TBX22: variants seen among roughly 807,000 people sequenced by gnomAD.
The protein encoded by TBX22 is T-box transcription factor TBX22.
Under a neutral mutation model 30.1 loss-of-function variants are expected in TBX22, and 8 were observed. The ratio of observed to expected loss-of-function variants is 0.27; its 90% confidence interval spans 0.16 to 0.48. The LOEUF (loss-of-function observed/expected upper bound fraction) is 0.48, where lower values mean the gene tolerates loss of function less well. TBX22 is among the 20% of genes least tolerant of loss of function. The probability of loss-of-function intolerance (pLI) is 0.99; values close to 1 mark genes in which losing one functional copy is unlikely to be tolerated. For synonymous variants in TBX22, 173 were observed against 149.1 expected, an observed-to-expected ratio of 1.16 and a Z score of -1.17; for missense variants, 463 against 400.5, an observed-to-expected ratio of 1.16 and a Z score of -1.33.
At chrX:80,022,126 G>T (rs865849025) in intron 1 of TBX22, 142 bp from the exon 2 acceptor site, 6 of 545,771 alleles carry the variant, frequency 1.1e-5, no homozygotes, top group African/African-American at 5.2e-5. Flanking sequence ...TTTTGGGTTT[G>T]GGGTTTTGTT....
intron 1 of TBX22, among the ~76,000 whole-genome samples, chrX:80,021,457 G>A (rs1247269976): frequency 9.0e-6 from 1 of 111,581 alleles, no homozygotes; most frequent in Non-Finnish European, 1.9e-5. Flanking sequence ...GAGCCAACTG[G>A]CCCCAAAAGC....
intron 8 of TBX22, among the ~76,000 whole-genome samples, chrX:80,028,947 G>A (rs1449692634): frequency 2.4e-5 from 2 of 85,008 alleles, no homozygotes; most frequent in Admixed American, 1.2e-4. Context: ...ATGTGGTTTA[G>A]GGAATTGCAT....
intron 7 of TBX22, 144 bp downstream of exon 7, chrX:80,027,464 C>T: frequency 2.5e-6 from 1 of 401,272 alleles, no homozygotes; most frequent in Non-Finnish European, 4.5e-6. Flanking sequence ...CTGCAACTTT[C>T]ACCTCCCTGG....
intron 1 of TBX22, among the ~76,000 whole-genome samples, chrX:80,018,150 T>C (rs1346475624): frequency 8.9e-6 from 1 of 111,983 alleles, no homozygotes; most frequent in African/African-American, 3.2e-5. Context: ...TAACCAGAAG[T>C]TGAGGGATTC....
At chrX:80,027,787 C>G (rs1924051879) in intron 7 of TBX22, among the ~76,000 whole-genome samples, 1 of 112,239 alleles carries the variant, frequency 8.9e-6, no homozygotes, top group Non-Finnish European at 1.9e-5. Flanking sequence ...GAAAACATTA[C>G]TTCCTCCCAC....
chrX:80,016,425 C>A (rs1160092906), intron 1 of TBX22, among the ~76,000 whole-genome samples: 1 of 111,188 alleles, frequency 9.0e-6, no homozygotes, highest in East Asian at 2.8e-4. Flanking sequence ...GGTGAGAAAG[C>A]GTGTGTAGGG....
At chrX:80,025,807 A>C (rs546083415) in intron 5 of TBX22, 30 bp downstream of exon 5, 6 of 1,164,206 alleles carry the variant, frequency 5.2e-6, no homozygotes, top group Non-Finnish European at 6.9e-6. Context: ...TACCCCGAGG[A>C]GGGAGGTGCC....
In TBX22 at chrX:80,030,648, T is replaced by G. The variant is rs1279217597; in HGVS notation, c.1100T>G (p.Val367Gly). The change falls in exon 9 of 9, where the codon GTC (valine) becomes GGC (glycine). Residue 367 changes from valine (V) to glycine (G), a missense_variant. Coordinates refer to ENST00000373296, the MANE Select transcript of TBX22 (RefSeq NM_001109878.2). ...MPCPEAYLPN[V>G]NLPLCYKICP... Reference sequence around the variant, plus strand: ...TGTCCAGAGGCATACCTGCCCAATGTCAACCTGCCTCTATGCTACAAGATT... The same window carrying G: ...TGTCCAGAGGCATACCTGCCCAATGGCAACCTGCCTCTATGCTACAAGATT... 1 of 1,211,712 alleles carries G rather than the reference T, an allele frequency of 8.3e-7. No homozygotes were observed. The highest frequency in any genetic ancestry group is 1.1e-6 in the Non-Finnish European group (1 of 895,435).
intron 5 of TBX22, 96 bp from the exon 6 acceptor site, chrX:80,026,608 C>T (rs1391805384): frequency 2.1e-6 from 2 of 941,017 alleles, no homozygotes; most frequent in African/African-American, 3.8e-5. Context: ...TCATCATTGC[C>T]TTTTTGTGTG....
chrX:80,030,363 A>T lies in TBX22; in HGVS notation c.950-135A>T, dbSNP rs1218354945. 1.9e-5 allele frequency: 15 copies of T among 793,327 alleles called. No individual in the cohort carries two copies. The East Asian group carries it at 4.1e-4, about 22-fold the overall frequency. 65.4% of individuals were successfully genotyped at this position (793,327 alleles called of 1,213,427 possible). A position where few individuals can be genotyped will look rare whatever the true frequency, so the allele number is the denominator to read the frequency against. On this transcript the variant is annotated intron_variant, in intron 8 of 8. Coordinates refer to ENST00000373296, the MANE Select transcript of TBX22 (RefSeq NM_001109878.2). ...GGAATGAGCAGGTCCTGTCTCAAAG[A>T]AGCTAAAAGAACTGTGAACTCACAA...
Position 80,023,102 on chromosome X carries a change from G to C in TBX22, c.218G>C (p.Gly73Ala). ...GAGCCCTCAACATCTGCTTCCTCTG[G>C]CTGCGGCAGCGACAGCGGCTACGGC... ...KTEPSTSASS[G>A]CGSDSGYGNS... The change falls in exon 3 of 9, where the codon GGC (glycine) becomes GCC (alanine). Residue 73 changes from glycine (G) to alanine (A), a missense_variant. Gly to Ala is a moderately conservative substitution (Grantham distance 60). Transcript: ENST00000373296. 9 of 1,211,760 alleles carry C rather than the reference G, an allele frequency of 7.4e-6. No homozygotes were observed. The highest frequency in any genetic ancestry group is 1.0e-5 in the Non-Finnish European group (9 of 895,472).
intron 1 of TBX22, among the ~76,000 whole-genome samples, chrX:80,019,489 C>T (rs945537788): frequency 1.1e-4 from 12 of 111,614 alleles, no homozygotes; most frequent in African/African-American, 3.9e-4. Flanking sequence ...ATCTGTGGGT[C>T]TCAGAAACCT....
intron 3 of TBX22, among the ~76,000 whole-genome samples, chrX:80,023,811 G>C (rs948414671): frequency 3.6e-5 from 4 of 111,784 alleles, no homozygotes; most frequent in Non-Finnish European, 7.5e-5. Context: ...TTTTATTATG[G>C]TTGGGGAGGG....
At chrX:80,026,961 C>T in intron 6 of TBX22, 93 bp downstream of exon 6, 1 of 886,037 alleles carries the variant, frequency 1.1e-6, no homozygotes, top group Non-Finnish European at 1.7e-6. Context: ...TTGCATTTTC[C>T]ACAATTCTAA....
chrX:80,017,281 TG>T (rs1157978775), intron 1 of TBX22, among the ~76,000 whole-genome samples: 12 of 16,037 alleles, frequency 7.5e-4, no homozygotes, highest in East Asian at 0.059. Flanking sequence ...GTGTTGTTTT[TG>T]TGTGTGTGTG....
chrX:80,017,216 G>A (rs973662167), intron 1 of TBX22, among the ~76,000 whole-genome samples: 4 of 109,690 alleles, frequency 3.6e-5, no homozygotes, highest in African/African-American at 1.3e-4. Flanking sequence ...CTGTGCAAGT[G>A]CCAATGGAGC....
In TBX22 at chrX:80,025,496, G is replaced by T. The variant is rs1035833357; in HGVS notation, c.459-107G>T. 7.9e-6 allele frequency: 5 copies of T among 629,250 alleles called. No homozygotes were observed. In the African/African-American group the frequency reaches 1.1e-4, roughly 14 times the overall value. The allele number at this position is 629,250 out of a possible 1,213,427, so 51.9% of individuals were successfully genotyped here. On this transcript the variant is annotated intron_variant, in intron 4 of 8. Transcript: ENST00000373296. ...ATTAAGTTGAGTCTTCTCCTTACTT[G>T]CCCTTGGGATCACTGGGCTAATCTG...
intron 1 of TBX22, among the ~76,000 whole-genome samples, chrX:80,017,280 T>TTGTTTGTGTGTG: frequency 1.1e-5 from 1 of 93,960 alleles, no homozygotes; most frequent in African/African-American, 4.0e-5. Flanking sequence ...GGTGTTGTTT[T>TTGTTTGTGTGTG]TGTGTGTGTG....
chrX:80,024,706 A>G, intron 4 of TBX22, among the ~76,000 whole-genome samples: 1 of 111,827 alleles, frequency 8.9e-6, no homozygotes, highest in Non-Finnish European at 1.9e-5. Context: ...CCCTGAAGTA[A>G]TGTCTGGGTC....
Sources: allele counts gnomAD v4.1 joint callset (sites outside exome capture counted in the v4.1 genomes callset), GRCh38; gene constraint gnomAD v4.1.1; transcripts MANE v1.5; gene names NCBI Gene and HGNC (gene_info 2026-07-23, HGNC 2026-07-21).